Variants in DOCK1 observed in about 807,000 individuals in gnomAD.
DOCK1 encodes dedicator of cytokinesis 1.
A neutral mutation model predicts 262.7 loss-of-function variants in DOCK1; 138 were observed. That is an observed-to-expected ratio of 0.53 (90% confidence interval 0.46 to 0.61). The LOEUF (loss-of-function observed/expected upper bound fraction) is 0.61. Among genes scored for constraint, DOCK1 ranks in the 20% least tolerant of loss-of-function variants. The pLI is 0.00. For missense variants in DOCK1, 1,908 were observed against 2,370.7 expected, an observed-to-expected ratio of 0.80 and a Z score of 4.05; for synonymous variants, 866 against 867.4, an observed-to-expected ratio of 1.00 and a Z score of 0.03.
chr10:127,069,777 G>T (rs557591541), intron 23 of DOCK1, among the ~76,000 whole-genome samples: 107 of 152,320 alleles, frequency 7.0e-4, no homozygotes, highest in African/African-American at 2.4e-3. Flanking sequence ...AACAGGCCAG[G>T]CCTTCTGGAG....
At chr10:127,052,350 C>G (rs9418816) in intron 21 of DOCK1, among the ~76,000 whole-genome samples, 25,736 of 149,972 alleles carry the variant, frequency 0.17, 2,320 homozygotes, top group South Asian at 0.32. Context: ...ATGGTGAGCT[C>G]CTGTCTCTAC....
At chr10:127,227,372 G>C (rs1048242975) in intron 27 of DOCK1, among the ~76,000 whole-genome samples, 2 of 152,314 alleles carry the variant, frequency 1.3e-5, no homozygotes, top group African/African-American at 4.8e-5. Context: ...GCCTGCCTCA[G>C]TGCCTTGGAA....
intron 31 of DOCK1, among the ~76,000 whole-genome samples, chr10:127,350,618 G>A (rs72840195): frequency 0.036 from 5,472 of 152,146 alleles, 136 homozygotes; most frequent in Non-Finnish European, 0.048. Flanking sequence ...GTATCTATCC[G>A]TGTTTATCTT....
At chr10:126,914,458 A>AG (rs555451671) in intron 1 of DOCK1, among the ~76,000 whole-genome samples, 299 of 152,298 alleles carry the variant, frequency 2.0e-3, no homozygotes, top group African/African-American at 6.4e-3. Context: ...ACCAGAGTGC[A>AG]GTGATGCGAT....
Position 127,012,247 on chromosome 10 carries a change from C to T in DOCK1, c.1074C>T (p.Asp358=), listed in dbSNP as rs758831943. The T allele has an allele frequency of 2.8e-5, 45 of 1,602,172 alleles. No homozygotes were observed. Among genetic ancestry groups the T allele is most frequent in the African/African-American group, 6.7e-5 (5 of 74,682 alleles). The change falls in exon 12 of 52, where the codon GAC becomes GAT. Residue 358 remains aspartate (D), a synonymous_variant. Transcript: ENST00000623213. The surrounding 1 kb of genome is among the most constrained non-coding windows in gnomAD (Gnocchi z 4.0). ...FIPFQPLALD[D]AIRHKPLNMS... ...TGCCCTCCAGGCTCGCGTTGGACGA[C>T]GCCATTCGACACAAGCCGCTGAACA...
chr10:127,397,759 AGCGACTCCTGTATGACACG>A, intron 38 of DOCK1, among the ~76,000 whole-genome samples: 1 of 146,452 alleles, frequency 6.8e-6, no homozygotes, highest in East Asian at 2.0e-4. Context: ...TGACACGGGC[AGCGACTCCTGTATGACACG>A]GGCAGTGACT....
intron 27 of DOCK1, among the ~76,000 whole-genome samples, chr10:127,168,124 G>C (rs1445897815): frequency 1.3e-5 from 2 of 152,176 alleles, no homozygotes; most frequent in African/African-American, 2.4e-5. Context: ...TCAGGAGAGG[G>C]AAGGTCAGCA....
chr10:127,163,731 G>T (rs1388650004), intron 27 of DOCK1, among the ~76,000 whole-genome samples: 1 of 150,110 alleles, frequency 6.7e-6, no homozygotes, highest in Non-Finnish European at 1.5e-5. Flanking sequence ...CCGACACCCA[G>T]TTTTGAAAAT....
In DOCK1 at chr10:127,261,091, CTG is replaced by C. The variant is rs148752019; in HGVS notation, c.3044+3670_3044+3671del. Among the ~76,000 whole-genome samples, 93 of 105,012 alleles carry C rather than the reference CTG, an allele frequency of 8.9e-4. 1 individual carries two copies. The highest frequency in any genetic ancestry group is 3.1e-3 in the African/African-American group (78 of 25,460). The allele number at this position is 105,012 out of a possible 152,430, so 68.9% of individuals were successfully genotyped here. ...TGGGTGTGTGTGTACCTGTGCTCAT[CTG>C]TGTGTGTACCTGCATGTGTGTGCAT... On this transcript the variant is annotated intron_variant, in intron 29 of 51. Coordinates refer to ENST00000623213, the MANE Select transcript of DOCK1 (RefSeq NM_001290223.2).
At chr10:127,005,311 A>G (rs9418671) in intron 10 of DOCK1, among the ~76,000 whole-genome samples, 15,721 of 152,062 alleles carry the variant, frequency 0.1, 980 homozygotes, top group Middle Eastern at 0.14. Context: ...CAGCCTAGGC[A>G]ACAGAGTGAG....
Position 126,960,805 on chromosome 10 carries a change from CACACAT to C in DOCK1, c.47-9895_47-9890del, listed in dbSNP as rs1239639372. On this transcript the variant is annotated intron_variant, in intron 1 of 51. Transcript: ENST00000623213. Reference sequence around the variant, plus strand: ...ATATGTGTATATACACACACACACACACACATAGATATATACGTGTGTATATCTATA... The same window carrying C: ...ATATGTGTATATACACACACACACACAGATATATACGTGTGTATATCTATA... Among the ~76,000 whole-genome samples the C allele has an allele frequency of 7.0e-4, 101 of 145,158 alleles. 1 individual carries two copies. The highest frequency in any genetic ancestry group is 8.1e-4 in the Non-Finnish European group (54 of 66,856).
At chr10:126,960,949 A>G (rs1265734571) in intron 1 of DOCK1, among the ~76,000 whole-genome samples, 1 of 151,806 alleles carries the variant, frequency 6.6e-6, no homozygotes, top group African/African-American at 2.4e-5. Flanking sequence ...GAAGAAAGAT[A>G]TTAAAATGTC....
At chr10:126,985,228 G>A (rs77225869) in intron 4 of DOCK1, among the ~76,000 whole-genome samples, 8,905 of 152,092 alleles carry the variant, frequency 0.059, 300 homozygotes, top group Non-Finnish European at 0.068. Flanking sequence ...TGCTCTACCC[G>A]CTTTAGCCTC....
chr10:127,045,320 C>T (rs1260756515), intron 21 of DOCK1, among the ~76,000 whole-genome samples: 2 of 151,796 alleles, frequency 1.3e-5, no homozygotes, highest in Non-Finnish European at 2.9e-5. Context: ...CTGGCAACCT[C>T]ACGTGGTTCC....
intron 23 of DOCK1, among the ~76,000 whole-genome samples, chr10:127,070,607 G>A (rs1166540935): frequency 5.3e-5 from 8 of 151,818 alleles, no homozygotes; most frequent in East Asian, 1.9e-4. Context: ...CATCGTGGAC[G>A]TCAGTGTAGA....
At chr10:127,426,621 C>G (rs1591008863) in intron 47 of DOCK1, among the ~76,000 whole-genome samples, 1 of 152,294 alleles carries the variant, frequency 6.6e-6, no homozygotes, top group East Asian at 1.9e-4. Flanking sequence ...ACTCCCTCAA[C>G]AGAGGCTGAG....
chr10:126,981,876 C>A, intron 3 of DOCK1, 42 bp from the exon 4 acceptor site: 1 of 1,589,970 alleles, frequency 6.3e-7, no homozygotes, highest in Non-Finnish European at 8.6e-7. Flanking sequence ...TTCAGCAATC[C>A]TATTGATAAT....
At chr10:127,380,900 C>A (rs1308721761) in intron 36 of DOCK1, among the ~76,000 whole-genome samples, 2 of 152,170 alleles carry the variant, frequency 1.3e-5, no homozygotes, top group Non-Finnish European at 2.9e-5. Flanking sequence ...TTCTTTCGAT[C>A]ACATTGACTG....
At chr10:127,184,797 G>A (rs2056076019) in intron 27 of DOCK1, among the ~76,000 whole-genome samples, 1 of 152,096 alleles carries the variant, frequency 6.6e-6, no homozygotes, top group African/African-American at 2.4e-5. Flanking sequence ...CCTTCCTCAT[G>A]GATAGTCTGT....
Sources: gnomAD v4.1 joint callset for allele counts (sites outside exome capture counted in the v4.1 genomes callset) on GRCh38, gnomAD v4.1.1 for gene constraint, Gnocchi (gnomAD v3.1) non-coding constraint, MANE v1.5 for transcripts, NCBI Gene and HGNC (gene_info 2026-07-23, HGNC 2026-07-21) for gene names.